Variants in NFAM1 observed in about 807,000 individuals in gnomAD.
The protein encoded by NFAM1 is NFAT activation molecule 1.
Under a neutral mutation model 29.0 loss-of-function variants are expected in NFAM1, and 17 were observed. That is an observed-to-expected ratio of 0.59 (90% CI 0.40 to 0.88). NFAM1 has a LOEUF of 0.88. NFAM1 is among the 40% of genes least tolerant of loss of function. The probability of loss-of-function intolerance (pLI) is 0.00; values close to 1 mark genes in which losing one functional copy is unlikely to be tolerated. For missense variants in NFAM1, 324 were observed against 344.6 expected (o/e 0.94, Z 0.47); for synonymous variants, 175 against 147.2 (o/e 1.19, Z -1.36).
intron 4 of NFAM1, among the ~76,000 whole-genome samples, chr22:42,389,632 G>A (rs990918258): frequency 3.0e-4 from 45 of 148,042 alleles, no homozygotes; most frequent in African/African-American, 9.4e-4. Context: ...CTGGGGTCTG[G>A]GAGGGTGCTG....
At chr22:42,429,343 C>A (rs771605183) in intron 1 of NFAM1, among the ~76,000 whole-genome samples, 1 of 152,174 alleles carries the variant, frequency 6.6e-6, no homozygotes, top group Non-Finnish European at 1.5e-5. Context: ...GGGCCGGGTG[C>A]GGTGGCTCAC....
chr22:42,407,374 AC>A (rs892700952), intron 3 of NFAM1, among the ~76,000 whole-genome samples: 26 of 151,088 alleles, frequency 1.7e-4, no homozygotes, highest in African/African-American at 6.1e-4. Flanking sequence ...AAGCCACCGC[AC>A]CCAGCCTTTT....
At position 42,432,264 on chromosome 22, in the gene NFAM1, G is replaced by C. The variant is rs747327402; in HGVS notation, c.94C>G (p.Leu32Val). 6.4e-7 allele frequency: 1 copy of C among 1,573,132 alleles called. No homozygotes were observed. Among genetic ancestry groups the C allele is most frequent in the Non-Finnish European group, 8.6e-7 (1 of 1,158,810 alleles). Residue 32 changes from leucine to valine, a missense_variant, in exon 1 of 6, where the codon CTG becomes GTG. Leu to Val is a conservative substitution (Grantham distance 32, BLOSUM62 1). Transcript: ENST00000329021. ...GCCAGTCGCAGGGTCCCGGGCAGCA[G>C]CAGCACGCCAAGGAGGAGCCAGGGG... Reference protein sequence around the residue: ...AAPWLLLGVLLLPGTLRLAGG... With the variant: ...AAPWLLLGVLVLPGTLRLAGG...
At chr22:42,408,705 G>A (rs887837770) in intron 3 of NFAM1, among the ~76,000 whole-genome samples, 8 of 152,168 alleles carry the variant, frequency 5.3e-5, no homozygotes, top group African/African-American at 1.4e-4. Flanking sequence ...GGCCAGCATC[G>A]AACAGGAATC....
chr22:42,385,398 T>G (rs544192827), intron 5 of NFAM1, among the ~76,000 whole-genome samples, 178 bp from the exon 6 acceptor site: 503 of 144,696 alleles, frequency 3.5e-3, no homozygotes, highest in African/African-American at 0.012. Context: ...CCCACCATGC[T>G]GCCCCCACCC....
At chr22:42,436,109 C>T (rs1322508975), upstream of NFAM1, among the ~76,000 whole-genome samples, 4 of 152,142 alleles carry the variant, frequency 2.6e-5, no homozygotes, top group Non-Finnish European at 4.4e-5. Context: ...CGTGAGCCAC[C>T]GCACCCGGCC....
chr22:42,409,574 G>A lies in NFAM1; in HGVS notation c.452-27C>T, dbSNP rs187668920. 5.7e-6 allele frequency: 7 copies of A among 1,234,290 alleles called. No individual in the cohort carries two copies. Among genetic ancestry groups the A allele is most frequent in the Non-Finnish European group, 7.8e-6 (7 of 898,166 alleles). 76.5% of individuals were successfully genotyped at this position (1,234,290 alleles called of 1,614,324 possible). ...TAGGAGGAAGCGCAGGGGAGCAGAG[G>A]GGTCAGTGACCCAGGAGAAAGCGGG... is the stretch of plus-strand genomic sequence containing the variant. On this transcript the variant is annotated intron_variant, in intron 2 of 5. Coordinates refer to ENST00000329021, the MANE Select transcript of NFAM1 (RefSeq NM_145912.8). This position sits in a 1 kb window ranked among gnomAD's most constrained non-coding sequence, Gnocchi z 4.9.
intron 1 of NFAM1, among the ~76,000 whole-genome samples, chr22:42,414,558 T>A (rs949724756): frequency 2.2e-5 from 3 of 136,370 alleles, no homozygotes; most frequent in South Asian, 2.2e-4. Flanking sequence ...GGGCATCAAA[T>A]TTTTTTTTTT....
chr22:42,430,918 G>A (rs1930776154), intron 1 of NFAM1, among the ~76,000 whole-genome samples: 1 of 152,188 alleles, frequency 6.6e-6, no homozygotes, highest in Non-Finnish European at 1.5e-5. Flanking sequence ...CTGCATTTCC[G>A]GGGTCTGGCC....
chr22:42,410,485 C>A (rs1430547268), intron 2 of NFAM1: 2 of 384,202 alleles, frequency 5.2e-6, no homozygotes, highest in Non-Finnish European at 1.1e-5. Context: ...ATGGCGAAAT[C>A]TTGTCTCTAT....
In NFAM1 at chr22:42,431,536, T is replaced by TC. The variant is rs567944361; in HGVS notation, c.121+700dup. Among the ~76,000 whole-genome samples the TC allele has an allele frequency of 3.5e-4, 54 of 152,172 alleles. 1 individual carries two copies. The South Asian group carries it at 0.011, about 31-fold the overall frequency. The stretch of plus-strand genomic sequence containing the variant: ...CCTGGAATGGGACCCTCCTGGGCCG[T>TC]CCCTGGCCTGATGAACTGGCCCTGA... On this transcript the variant is annotated intron_variant, in intron 1 of 5. Coordinates refer to ENST00000329021, the MANE Select transcript of NFAM1 (RefSeq NM_145912.8).
intron 1 of NFAM1, among the ~76,000 whole-genome samples, chr22:42,414,630 C>T (rs1356828871): frequency 6.6e-6 from 1 of 151,686 alleles, no homozygotes; most frequent in Admixed American, 6.6e-5. Flanking sequence ...AATGACATCA[C>T]CACCGACCCT....
At chr22:42,431,110 G>A (rs987079088) in intron 1 of NFAM1, among the ~76,000 whole-genome samples, 2 of 152,202 alleles carry the variant, frequency 1.3e-5, no homozygotes, top group Non-Finnish European at 2.9e-5. Context: ...CCTACTGGCC[G>A]AGGGGCCCAG....
chr22:42,415,095 C>T (rs17003058), intron 1 of NFAM1, among the ~76,000 whole-genome samples: 24,684 of 151,960 alleles, frequency 0.16, 2,514 homozygotes, highest in Admixed American at 0.3. Flanking sequence ...TCTGATGAAA[C>T]TGCTGTGTCC....
chr22:42,410,968 C>A (rs1213561683), intron 2 of NFAM1, among the ~76,000 whole-genome samples: 1 of 151,328 alleles, frequency 6.6e-6, no homozygotes, highest in Admixed American at 6.6e-5. Flanking sequence ...GGTCTGCCTG[C>A]TTTGCCAATG....
intron 3 of NFAM1, among the ~76,000 whole-genome samples, chr22:42,408,081 A>G (rs916398594): frequency 1.3e-5 from 2 of 151,920 alleles, no homozygotes; most frequent in Non-Finnish European, 2.9e-5. Flanking sequence ...TTTAGTAGAG[A>G]TGGGATTTTG....
rs145599629 is a variant in NFAM1 at position 42,420,900 on chromosome 22, C to T, written c.122-9164G>A. Among the ~76,000 whole-genome samples the T allele has an allele frequency of 2.0e-5, 3 of 152,306 alleles. No individual in the cohort carries two copies. The East Asian group carries it at 5.8e-4, about 29-fold the overall frequency. On this transcript the variant is annotated intron_variant, in intron 1 of 5. Coordinates refer to ENST00000329021, the MANE Select transcript of NFAM1 (RefSeq NM_145912.8). ...AAACTTGGGTCATCTAATAGGTAGA[C>T]AGGGCCAGCAATAGGTAGGGGCCTG...
intron 1 of NFAM1, among the ~76,000 whole-genome samples, chr22:42,424,719 T>C (rs1291099567): frequency 6.6e-6 from 1 of 151,424 alleles, no homozygotes; most frequent in African/African-American, 2.4e-5. Flanking sequence ...CTTGGTGGAG[T>C]TGGAAGGAAT....
chr22:42,408,721 G>T (rs1001248836), intron 3 of NFAM1, among the ~76,000 whole-genome samples: 6 of 152,210 alleles, frequency 3.9e-5, no homozygotes, highest in Non-Finnish European at 7.4e-5. Context: ...GAATCCATAG[G>T]GCTGGGTGAT....
Sources: allele counts gnomAD v4.1 joint callset (sites outside exome capture counted in the v4.1 genomes callset), GRCh38; gene constraint gnomAD v4.1.1; non-coding constraint Gnocchi (gnomAD v3.1); transcripts MANE v1.5; gene names NCBI Gene and HGNC (gene_info 2026-07-23, HGNC 2026-07-21).